EFR3A: variants seen among roughly 807,000 people sequenced by gnomAD.
The protein encoded by EFR3A is EFR3 homolog A, also known as protein EFR3 homolog A.
EFR3A carries 76 observed loss-of-function variants against 104.4 expected under a neutral mutation model. The ratio of observed to expected loss-of-function variants is 0.73; its 90% CI spans 0.60 to 0.88. The LOEUF (loss-of-function observed/expected upper bound fraction) is 0.88, where lower values mean the gene tolerates loss of function less well. Ranked by LOEUF, EFR3A falls within the 40% of genes least tolerant of loss-of-function variation. The pLI, the probability that EFR3A is intolerant of heterozygous loss-of-function variation, is 0.00. For missense variants in EFR3A, 985 were observed against 1,012.5 expected (o/e 0.97, Z 0.37); for synonymous variants, 330 against 330.0 (o/e 1.00, Z 0.00).
At chr8:131,941,559 A>G (rs1447643583) in intron 2 of EFR3A, among the ~76,000 whole-genome samples, 2 of 152,130 alleles carry the variant, frequency 1.3e-5, no homozygotes, top group South Asian at 2.1e-4. Context: ...TAAAAACCCT[A>G]AGATATGGTA....
rs898069729 is a variant in EFR3A, at chr8:131,987,601, A to G, written c.1964A>G (p.Glu655Gly). ...CMLPKSLEKH[E>G]KDLYFLTNKI... ...CTTCCAAAATCTTTAGAGAAGCATG[A>G]AAAAGATTTGTACTTTCTGACCAAC... Residue 655 changes from glutamate to glycine, a missense_variant, in exon 18 of 23, where the codon GAA becomes GGA. Transcript: ENST00000254624. The G allele has an allele frequency of 3.1e-6, 5 of 1,597,350 alleles. No individual in the cohort carries two copies. Among genetic ancestry groups the G allele is most frequent in the Non-Finnish European group, 4.3e-6 (5 of 1,170,942 alleles).
At chr8:131,947,711 C>T (rs946440438) in intron 4 of EFR3A, among the ~76,000 whole-genome samples, 3 of 151,952 alleles carry the variant, frequency 2.0e-5, no homozygotes, top group African/African-American at 7.2e-5. Flanking sequence ...TTTGAGTTAG[C>T]TTTTGTATGT....
chr8:132,001,827 T>C lies in EFR3A; in HGVS notation c.2206+20T>C. 1.2e-6 allele frequency: 2 copies of C among 1,601,778 alleles called. No individual in the cohort carries two copies. Among genetic ancestry groups the C allele is most frequent in the Non-Finnish European group, 1.7e-6 (2 of 1,169,058 alleles). ...CAATTGGTGAGATATTTTGCACTTG[T>C]TAGTACTACCAATATTTAACTTATC... is the stretch of plus-strand genomic sequence containing the variant. On this transcript the variant is annotated intron_variant, in intron 20 of 22. Coordinates refer to ENST00000254624, the MANE Select transcript of EFR3A (RefSeq NM_015137.6).
chr8:131,911,388 TG>T (rs1381887163), intron 1 of EFR3A, among the ~76,000 whole-genome samples: 1 of 152,168 alleles, frequency 6.6e-6, no homozygotes, highest in East Asian at 1.9e-4. Flanking sequence ...TTTCTAAAAT[TG>T]GTATCTATGA....
chr8:131,975,304 A>G (rs925774142), intron 10 of EFR3A, among the ~76,000 whole-genome samples: 5 of 152,120 alleles, frequency 3.3e-5, no homozygotes, highest in African/African-American at 1.2e-4. Context: ...CTTCTTTACC[A>G]GACAATGTGT....
intron 8 of EFR3A, among the ~76,000 whole-genome samples, chr8:131,962,525 A>G (rs1453304493): frequency 1.3e-5 from 2 of 152,202 alleles, no homozygotes; most frequent in East Asian, 1.9e-4. Flanking sequence ...CTAAATATAT[A>G]TGCACCCAAT....
At chr8:131,966,837 G>C (rs2130686909) in intron 8 of EFR3A, among the ~76,000 whole-genome samples, 1 of 152,252 alleles carries the variant, frequency 6.6e-6, no homozygotes, top group African/African-American at 2.4e-5. Context: ...TGAAACCTCA[G>C]TACACATGAC....
intron 1 of EFR3A, among the ~76,000 whole-genome samples, chr8:131,933,431 G>T (rs561193580): frequency 6.6e-6 from 1 of 151,796 alleles, no homozygotes; most frequent in African/African-American, 2.4e-5. Flanking sequence ...TTCCTATTTT[G>T]CAAACTAAGC....
chr8:131,946,706 CTT>C (rs1818459938), intron 4 of EFR3A, 73 bp downstream of exon 4: 1 of 1,373,116 alleles, frequency 7.3e-7, no homozygotes, highest in East Asian at 2.8e-5. Context: ...CTTAGAATGA[CTT>C]TACCTGGTAA....
chr8:131,933,211 T>G (rs1178310126), intron 1 of EFR3A, among the ~76,000 whole-genome samples: 1 of 152,174 alleles, frequency 6.6e-6, no homozygotes, highest in Non-Finnish European at 1.5e-5. Context: ...ATTACTTACC[T>G]CTGTAGATTG....
Position 131,981,040 on chromosome 8 carries a change from TATATAC to T in EFR3A, c.1575+1621_1575+1626del, listed in dbSNP as rs950802243. 2.0e-3 allele frequency among the ~76,000 whole-genome samples: 134 copies of T among 66,242 alleles called. 3 individuals are homozygous for T. In the South Asian group the frequency reaches 0.078, roughly 38 times the overall value. The allele number at this position is 66,242 out of a possible 152,430, so 43.5% of individuals were successfully genotyped here. On this transcript the variant is annotated intron_variant, in intron 14 of 22. Transcript: ENST00000254624. ...TTCATTTTATATATATATATATATATATATACACACACTACATTTTCTTTATCCATT... is the reference window on the plus strand; with the variant it reads ...TTCATTTTATATATATATATATATATACACACTACATTTTCTTTATCCATT...
chr8:132,012,218 T>A lies in EFR3A; in HGVS notation c.*1323T>A, dbSNP rs1183908353. ...CTGTAGCCTAGAATACAGTTTAATT[T>A]TTGGCTTTTGTTTTTGTTTAAAAAA... On this transcript the variant is annotated 3_prime_UTR_variant, in exon 23 of 23. Transcript: ENST00000254624. 1 of 152,224 alleles carries A rather than the reference T, an allele frequency of 6.6e-6. No individual in the cohort carries two copies. The highest frequency in any genetic ancestry group is 2.4e-5 in the African/African-American group (1 of 41,470). The allele number at this position is 152,224 out of a possible 1,614,324, so 9.4% of individuals were successfully genotyped here.
At chr8:131,984,501 C>T (rs920969365) in intron 15 of EFR3A, among the ~76,000 whole-genome samples, 3 of 152,160 alleles carry the variant, frequency 2.0e-5, no homozygotes, top group Non-Finnish European at 4.4e-5. Context: ...TGCTAAATAT[C>T]CTTCAAGGCC....
intron 6 of EFR3A, among the ~76,000 whole-genome samples, chr8:131,955,428 T>C (rs1226355491): frequency 6.6e-6 from 1 of 152,138 alleles, no homozygotes; most frequent in Non-Finnish European, 1.5e-5. Context: ...TAAGGATACC[T>C]AAAGATGGTC....
chr8:131,989,446 T>G (rs1185955364), intron 18 of EFR3A, among the ~76,000 whole-genome samples: 1 of 152,226 alleles, frequency 6.6e-6, no homozygotes, highest in Non-Finnish European at 1.5e-5. Flanking sequence ...CATTTTCTTA[T>G]GTAATTCTCA....
At chr8:131,971,855 T>C (rs979001475) in intron 10 of EFR3A, among the ~76,000 whole-genome samples, 1 of 152,206 alleles carries the variant, frequency 6.6e-6, no homozygotes, top group African/African-American at 2.4e-5. Flanking sequence ...TGTATAGTTT[T>C]AGTTTTTTCC....
At chr8:131,930,730 AC>A (rs1421956075) in intron 1 of EFR3A, among the ~76,000 whole-genome samples, 1 of 152,092 alleles carries the variant, frequency 6.6e-6, no homozygotes, top group Non-Finnish European at 1.5e-5. Flanking sequence ...AGCCACAAAT[AC>A]CAGCTCCCTG....
intron 2 of EFR3A, 31 bp downstream of exon 2, chr8:131,940,606 C>G (rs1273811195): frequency 1.3e-6 from 2 of 1,583,884 alleles, no homozygotes; most frequent in East Asian, 4.6e-5. Context: ...TGATCCTTCT[C>G]TTTGCTGACC....
At position 132,012,458 on chromosome 8, in the gene EFR3A, G is replaced by T. The variant is rs1822390083; in HGVS notation, c.*1563G>T. 1 of 152,488 alleles carries T rather than the reference G, an allele frequency of 6.6e-6. No individual in the cohort carries two copies. The highest frequency in any genetic ancestry group is 1.5e-5 in the Non-Finnish European group (1 of 68,028). 9.4% of individuals were successfully genotyped at this position (152,488 alleles called of 1,614,324 possible). ...GCTTCTTAAATAAGTAGATCAGCAA[G>T]ACTTGTTTCAGAGTGACAGTGGAGT... On this transcript the variant is annotated 3_prime_UTR_variant, in exon 23 of 23. Coordinates refer to ENST00000254624, the MANE Select transcript of EFR3A (RefSeq NM_015137.6).
Sources: gnomAD v4.1 joint callset for allele counts (sites outside exome capture counted in the v4.1 genomes callset) on GRCh38, gnomAD v4.1.1 for gene constraint, MANE v1.5 for transcripts, NCBI Gene and HGNC (gene_info 2026-07-23, HGNC 2026-07-21) for gene names.